Variants in TAS2R1 observed in about 807,000 individuals in gnomAD.
TAS2R1 encodes the protein taste receptor type 2 member 1.
For synonymous variants in TAS2R1, 141 were observed against 134.2 expected (o/e 1.05, Z -0.35); for missense variants, 370 against 353.4 (o/e 1.05, Z -0.38).
At chr5:9,666,308 G>C (rs772055659) in intron 1 of TAS2R1, among the ~76,000 whole-genome samples, 1 of 152,160 alleles carries the variant, frequency 6.6e-6, no homozygotes, top group Non-Finnish European at 1.5e-5. Context: ...TAGGGCACTA[G>C]AGCTGACATA....
chr5:9,800,391 TAC>T, the TAS2R1 span, among the ~76,000 whole-genome samples: 2 of 152,198 alleles, frequency 1.3e-5, no homozygotes, highest in African/African-American at 4.8e-5. Context: ...TCCAATGTAA[TAC>T]AGAGTTCTCT....
chr5:9,631,800 GTTC>G (rs1739877886), upstream of TAS2R1, among the ~76,000 whole-genome samples: 5 of 152,190 alleles, frequency 3.3e-5, no homozygotes, highest in African/African-American at 1.2e-4. Context: ...AAATCTGTAG[GTTC>G]TTTTATGGCT....
the TAS2R1 span, among the ~76,000 whole-genome samples, chr5:9,722,791 C>G: frequency 6.6e-6 from 1 of 152,364 alleles, no homozygotes; most frequent in South Asian, 2.1e-4. Context: ...ACAACCCATA[C>G]TGTTGCCAAG....
At chr5:9,795,874 T>A in the TAS2R1 span, among the ~76,000 whole-genome samples, 2 of 152,176 alleles carry the variant, frequency 1.3e-5, no homozygotes, top group Non-Finnish European at 2.9e-5. Flanking sequence ...TGTCATTTTA[T>A]AGGGAGAGGA....
chr5:9,745,147 G>T, the TAS2R1 span, among the ~76,000 whole-genome samples: 112 of 152,250 alleles, frequency 7.4e-4, no homozygotes, highest in Middle Eastern at 3.4e-3. Flanking sequence ...CAGTGGCCTG[G>T]CCTCATGGCA....
the TAS2R1 span, among the ~76,000 whole-genome samples, chr5:9,903,075 T>C: frequency 2.0e-5 from 3 of 152,086 alleles, no homozygotes; most frequent in African/African-American, 7.2e-5. Context: ...CAAGCATTTA[T>C]CCTTTGAGTT....
the TAS2R1 span, among the ~76,000 whole-genome samples, chr5:9,745,281 C>T: frequency 2.0e-5 from 3 of 151,938 alleles, no homozygotes; most frequent in East Asian, 3.9e-4. Flanking sequence ...GAAAGACAAC[C>T]GTTCAGTAAG....
the TAS2R1 span, among the ~76,000 whole-genome samples, chr5:9,835,105 C>T: frequency 3.3e-5 from 5 of 152,158 alleles, no homozygotes; most frequent in African/African-American, 2.4e-5. Flanking sequence ...GGCTCAGAAA[C>T]GCCAAAGGAA....
rs531924656 is a variant in TAS2R1 at position 9,629,533 on chromosome 5, T to G, written c.500A>C (p.Gln167Pro). 6.7e-5 allele frequency: 108 copies of G among 1,614,080 alleles called. No individual in the cohort carries two copies. The East Asian group carries it at 2.1e-3, about 31-fold the overall frequency. ...RKFFSQNATI[Q>P]KEDTLAIQIF... Reference sequence around the variant, plus strand: ...CTGTATAGCCAGTGTATCTTCTTTTTGAATTGTGGCATTTTGGGAGAAAAA... The same window carrying G: ...CTGTATAGCCAGTGTATCTTCTTTTGGAATTGTGGCATTTTGGGAGAAAAA... The change falls in exon 1 of 1, where the codon CAA (glutamine) becomes CCA (proline). Residue 167 changes from glutamine (Q) to proline (P), a missense_variant. Coordinates refer to ENST00000382492, the MANE Select transcript of TAS2R1 (RefSeq NM_019599.3).
the TAS2R1 span, among the ~76,000 whole-genome samples, chr5:9,842,876 A>T: frequency 0.26 from 40,018 of 151,750 alleles, 6,518 homozygotes; most frequent in Non-Finnish European, 0.37. Context: ...ATAGCTTTCT[A>T]CTCAGCTTCT....
chr5:9,894,834 T>G, the TAS2R1 span, among the ~76,000 whole-genome samples: 1 of 152,208 alleles, frequency 6.6e-6, no homozygotes. Context: ...AGTTGGTAAA[T>G]TTTTGGCCAA....
At chr5:9,830,218 TAGAC>T in the TAS2R1 span, among the ~76,000 whole-genome samples, 275 of 150,878 alleles carry the variant, frequency 1.8e-3, no homozygotes, top group African/African-American at 5.0e-3. Flanking sequence ...GATAGACAGA[TAGAC>T]AGACAGACAG....
At chr5:9,887,284 A>G in the TAS2R1 span, among the ~76,000 whole-genome samples, 1 of 152,242 alleles carries the variant, frequency 6.6e-6, no homozygotes, top group African/African-American at 2.4e-5. Flanking sequence ...ATTTCATATT[A>G]TAACAACCTA....
chr5:9,719,918 C>CA, the TAS2R1 span, among the ~76,000 whole-genome samples: 1,018 of 63,654 alleles, frequency 0.016, 31 homozygotes, highest in African/African-American at 0.041. Flanking sequence ...GATTCCGATT[C>CA]AAAAAAAAAA....
At chr5:9,798,638 T>C in the TAS2R1 span, among the ~76,000 whole-genome samples, 1 of 152,222 alleles carries the variant, frequency 6.6e-6, no homozygotes, top group Non-Finnish European at 1.5e-5. Flanking sequence ...GCTGTGAGCT[T>C]TGGTTAACTG....
At chr5:9,800,990 G>C in the TAS2R1 span, among the ~76,000 whole-genome samples, 1 of 152,154 alleles carries the variant, frequency 6.6e-6, no homozygotes, top group Admixed American at 6.5e-5. Flanking sequence ...TCAGGAGTTT[G>C]AGAACAGCCT....
At chr5:9,775,272 C>T in the TAS2R1 span, among the ~76,000 whole-genome samples, 3 of 152,200 alleles carry the variant, frequency 2.0e-5, no homozygotes, top group South Asian at 2.1e-4. Context: ...AGGCTAAGGG[C>T]TCTTTAGTCA....
At chr5:9,846,914 C>T in the TAS2R1 span, among the ~76,000 whole-genome samples, 1 of 152,184 alleles carries the variant, frequency 6.6e-6, no homozygotes, top group African/African-American at 2.4e-5. Flanking sequence ...GCTTTTCTTT[C>T]AGGTGTAACC....
chr5:9,698,237 T>C (rs1178747655), intron 1 of TAS2R1, among the ~76,000 whole-genome samples: 1 of 152,230 alleles, frequency 6.6e-6, no homozygotes, highest in Admixed American at 6.5e-5. Context: ...GTAGTTCTAA[T>C]GGAATTCTAA....
Sources: gnomAD v4.1 joint callset for allele counts (sites outside exome capture counted in the v4.1 genomes callset) on GRCh38, gnomAD v4.1.1 for gene constraint, MANE v1.5 for transcripts, NCBI Gene and HGNC (gene_info 2026-07-23, HGNC 2026-07-21) for gene names.